Variants in IMPG1 observed in about 807,000 individuals in gnomAD.
The protein encoded by IMPG1 is interphotoreceptor matrix proteoglycan of 150 kDa.
Under a neutral mutation model 92.0 loss-of-function variants are expected in IMPG1, and 85 were observed. The ratio of observed to expected loss-of-function variants is 0.92; its 90% CI spans 0.78 to 1.11. The LOEUF (loss-of-function observed/expected upper bound fraction) is 1.11. Among genes scored for constraint, IMPG1 ranks in the 50% least tolerant of loss-of-function variants. The probability of loss-of-function intolerance (pLI) is 0.00; values close to 1 mark genes in which losing one functional copy is unlikely to be tolerated. For synonymous variants in IMPG1, 367 were observed against 334.1 expected (o/e 1.10, Z -1.08); for missense variants, 1,022 against 956.0 (o/e 1.07, Z -0.91).
intron 12 of IMPG1, among the ~76,000 whole-genome samples, chr6:75,966,014 CTA>C (rs1782303762): frequency 6.6e-6 from 1 of 152,186 alleles, no homozygotes; most frequent in Non-Finnish European, 1.5e-5. Context: ...ATTTATTCAA[CTA>C]CTTTGTTCCG....
At chr6:75,926,359 C>G (rs543492647) in intron 15 of IMPG1, among the ~76,000 whole-genome samples, 151 of 152,272 alleles carry the variant, frequency 9.9e-4, no homozygotes, top group Middle Eastern at 6.8e-3. Flanking sequence ...GGAGAAAGAG[C>G]TCCAAAGGGA....
intron 12 of IMPG1, among the ~76,000 whole-genome samples, chr6:75,955,907 G>C (rs1782111954): frequency 6.6e-6 from 1 of 152,204 alleles, no homozygotes; most frequent in South Asian, 2.1e-4. Context: ...TACGTTTATT[G>C]ATTTGCGTAT....
intron 12 of IMPG1, among the ~76,000 whole-genome samples, chr6:75,987,580 C>T (rs1367272183): frequency 2.0e-5 from 3 of 150,660 alleles, no homozygotes; most frequent in Admixed American, 6.7e-5. Context: ...CTGTCCTTGG[C>T]GATAGTTTGC....
At chr6:76,062,657 C>A (rs936671060) in intron 1 of IMPG1, among the ~76,000 whole-genome samples, 1 of 152,120 alleles carries the variant, frequency 6.6e-6, no homozygotes, top group Non-Finnish European at 1.5e-5. Context: ...TTGAATTGAA[C>A]CTTTCTTTTC....
intron 12 of IMPG1, among the ~76,000 whole-genome samples, chr6:75,970,155 G>A (rs183968639): frequency 7.9e-5 from 12 of 152,232 alleles, no homozygotes; most frequent in African/African-American, 2.4e-4. Flanking sequence ...TTTGCCCCAA[G>A]CCACTTTATA....
chr6:75,952,679 C>T (rs1355420976), intron 12 of IMPG1, among the ~76,000 whole-genome samples: 2 of 152,062 alleles, frequency 1.3e-5, no homozygotes, highest in Non-Finnish European at 2.9e-5. Context: ...GCTCTAATCC[C>T]CAATGTGATG....
intron 12 of IMPG1, among the ~76,000 whole-genome samples, chr6:75,995,899 A>C (rs1455982717): frequency 6.6e-6 from 1 of 152,186 alleles, no homozygotes; most frequent in Non-Finnish European, 1.5e-5. Context: ...GTTTTGGGGG[A>C]ACCCAAATCA....
At position 76,005,448 on chromosome 6, in the gene IMPG1, A is replaced by G. The variant is rs147208984; in HGVS notation, c.974T>C (p.Phe325Ser). The G allele has an allele frequency of 4.3e-6, 7 of 1,613,958 alleles. No individual in the cohort carries two copies. The African/African-American group carries it at 9.3e-5, about 22-fold the overall frequency. Residue 325 changes from phenylalanine (F) to serine (S), a missense_variant, in exon 10 of 17, where the codon TTT (phenylalanine) becomes TCT (serine). By Grantham distance (155) the Phe-to-Ser change is radical (BLOSUM62 -2). This residue lies in a region of IMPG1 where 681 missense variants were observed against 583.6 expected (regional missense o/e 1.17). Coordinates refer to ENST00000369950, the MANE Select transcript of IMPG1 (RefSeq NM_001563.4). ...CTCACTTTCAATTTTGTTGGAATCA[A>G]AAGACAGGAGGTCACTTGCAGGGCT... is the stretch of plus-strand genomic sequence containing the variant. ...AKSPASDLLS[F>S]DSNKIESEEV...
At chr6:76,001,719 A>G (rs967532872) in intron 12 of IMPG1, among the ~76,000 whole-genome samples, 6 of 152,198 alleles carry the variant, frequency 3.9e-5, no homozygotes, top group Admixed American at 1.3e-4. Flanking sequence ...AGCTGACACA[A>G]CATGGAGCAG....
intron 1 of IMPG1, among the ~76,000 whole-genome samples, chr6:76,060,034 A>T (rs1217092151): frequency 6.6e-6 from 1 of 152,182 alleles, no homozygotes; most frequent in Non-Finnish European, 1.5e-5. Flanking sequence ...ACTTTTCACT[A>T]ATTTTGAGGT....
At chr6:75,988,029 C>G (rs1782750557) in intron 12 of IMPG1, among the ~76,000 whole-genome samples, 1 of 152,116 alleles carries the variant, frequency 6.6e-6, no homozygotes, top group South Asian at 2.1e-4. Flanking sequence ...CATTGATGGA[C>G]ATTTGGATTG....
chr6:75,983,378 A>T (rs1004253783), intron 12 of IMPG1, among the ~76,000 whole-genome samples: 1 of 152,196 alleles, frequency 6.6e-6, no homozygotes, highest in Non-Finnish European at 1.5e-5. Flanking sequence ...AAAAACAGAC[A>T]TACAGACCAG....
intron 12 of IMPG1, among the ~76,000 whole-genome samples, chr6:75,986,926 A>G (rs1055703477): frequency 1.3e-5 from 2 of 152,202 alleles, no homozygotes; most frequent in African/African-American, 4.8e-5. Context: ...ATGAAACAAT[A>G]TATCAAATTG....
At position 76,022,169 on chromosome 6, in the gene IMPG1, G is replaced by A. The variant is rs1029653193; in HGVS notation, c.613C>T (p.Leu205Phe). 6.3e-7 allele frequency: 1 copy of A among 1,598,490 alleles called. No individual in the cohort carries two copies. Among genetic ancestry groups the A allele is most frequent in the Non-Finnish European group, 8.6e-7 (1 of 1,169,248 alleles). The change falls in exon 6 of 17, where the codon CTC becomes TTC. Residue 205 changes from leucine to phenylalanine, a missense_variant. By Grantham distance (22) the Leu-to-Phe change is conservative. This residue lies in a region of IMPG1 where 681 missense variants were observed against 583.6 expected (regional missense o/e 1.17). Transcript: ENST00000369950. ...GTATTATCGAGAATTTCATTGAGGA[G>A]GGTGTCATCAGGAGTGAGAGGGAAA... ...GPFPLTPDDT[L>F]LNEILDNTLN...
chr6:76,007,743 C>A (rs1441831657), intron 8 of IMPG1, among the ~76,000 whole-genome samples: 1 of 152,076 alleles, frequency 6.6e-6, no homozygotes, highest in East Asian at 1.9e-4. Context: ...AGGATTTGAG[C>A]CTTAGTTCAA....
At chr6:76,018,971 T>G (rs1783366170) in intron 6 of IMPG1, 113 bp from the exon 7 acceptor site, 1 of 964,090 alleles carries the variant, frequency 1.0e-6, no homozygotes, top group East Asian at 3.0e-5. Flanking sequence ...AAGGCTTAAG[T>G]GTTTTGCAAT....
At chr6:75,974,401 TTTCCTTCCTTCC>T (rs761519920) in intron 12 of IMPG1, among the ~76,000 whole-genome samples, 1 of 92,800 alleles carries the variant, frequency 1.1e-5, no homozygotes, top group Non-Finnish European at 2.2e-5. Flanking sequence ...CTTTTCTTTC[TTTCCTTCCTTCC>T]TTCCTTCCTT....
chr6:76,048,010 A>G (rs960224211), intron 1 of IMPG1, among the ~76,000 whole-genome samples: 5 of 152,220 alleles, frequency 3.3e-5, no homozygotes, highest in Non-Finnish European at 5.9e-5. Context: ...GACACTTTCA[A>G]TCTTTCCATA....
intron 7 of IMPG1, among the ~76,000 whole-genome samples, chr6:76,014,824 G>A (rs1783255495): frequency 6.6e-6 from 1 of 152,166 alleles, no homozygotes; most frequent in Admixed American, 6.5e-5. Flanking sequence ...ATTGGCTTGG[G>A]TGGAAGGGAT....
Sources: gnomAD v4.1 joint callset for allele counts (sites outside exome capture counted in the v4.1 genomes callset) on GRCh38, gnomAD v4.1.1 for gene constraint, gnomAD v4.1.1 regional missense constraint, MANE v1.5 for transcripts, NCBI Gene and HGNC (gene_info 2026-07-23, HGNC 2026-07-21) for gene names.